The following PIP5K1C variants were observed in gnomAD, a reference collection of about 807,000 sequenced individuals.
The protein encoded by PIP5K1C is phosphatidylinositol 4-phosphate 5-kinase type-1 gamma.
Under a neutral mutation model 80.1 loss-of-function variants are expected in PIP5K1C, and 45 were observed. The observed-to-expected ratio is 0.56, with a 90% CI of 0.44 to 0.72. PIP5K1C has a LOEUF of 0.72. Among genes scored for constraint, PIP5K1C ranks in the 30% least tolerant of loss-of-function variants. PIP5K1C has a pLI of 0.00. For missense variants in PIP5K1C, 753 were observed against 954.6 expected (o/e 0.79, Z 2.78); for synonymous variants, 498 against 420.1 (o/e 1.19, Z -2.27).
At chr19:3,638,445 G>A (rs1415906020) in intron 16 of PIP5K1C, among the ~76,000 whole-genome samples, 1 of 152,244 alleles carries the variant, frequency 6.6e-6, no homozygotes, top group South Asian at 2.1e-4. Flanking sequence ...CAGGGAGAAG[G>A]TCCTGCCGCC....
intron 1 of PIP5K1C, among the ~76,000 whole-genome samples, chr19:3,670,474 G>A (rs1356202000): frequency 1.3e-5 from 2 of 152,242 alleles, no homozygotes; most frequent in Admixed American, 1.3e-4. Flanking sequence ...ACCAGGAGCA[G>A]AGGGGTGTGG....
At chr19:3,652,482 G>A (rs958819605) in intron 7 of PIP5K1C, among the ~76,000 whole-genome samples, 2 of 152,198 alleles carry the variant, frequency 1.3e-5, no homozygotes, top group Non-Finnish European at 2.9e-5. Flanking sequence ...GTTCTCAAAG[G>A]GGTCGGGGAG....
chr19:3,638,793 A>T (rs1405297653), intron 16 of PIP5K1C, 91 bp downstream of exon 16: 1 of 1,528,114 alleles, frequency 6.5e-7, no homozygotes, highest in East Asian at 2.3e-5. Context: ...GCCTGTGTGC[A>T]GGTGTGTGTA....
At chr19:3,669,848 C>G (rs2035143193) in intron 1 of PIP5K1C, 1 of 152,328 alleles carries the variant, frequency 6.6e-6, no homozygotes, top group South Asian at 2.1e-4. Flanking sequence ...GCACTGAAGG[C>G]AACTGAATGC....
chr19:3,648,607 G>A lies in PIP5K1C; in HGVS notation c.1211+18C>T. 5 of 1,609,110 alleles carry A rather than the reference G, an allele frequency of 3.1e-6. No homozygotes were observed. The highest frequency in any genetic ancestry group is 4.2e-6 in the Non-Finnish European group (5 of 1,176,648). ...ACCCGGGGCGTCCACCTGTAGGACT[G>A]CAGACCCGGGCACCCACCTGTAGGA... On this transcript the variant is annotated intron_variant, in intron 9 of 17. Transcript: ENST00000335312. This position sits in a 1 kb window ranked among gnomAD's most constrained non-coding sequence, Gnocchi z 4.3.
intron 3 of PIP5K1C, among the ~76,000 whole-genome samples, chr19:3,663,982 G>A (rs980558920): frequency 1.3e-5 from 2 of 152,294 alleles, no homozygotes; most frequent in Admixed American, 6.5e-5. Context: ...CGTCCATGAC[G>A]CAGCAAAGGA....
chr19:3,686,120 T>G (rs973923542), intron 1 of PIP5K1C, among the ~76,000 whole-genome samples: 4 of 152,160 alleles, frequency 2.6e-5, no homozygotes, highest in South Asian at 2.1e-4. Flanking sequence ...CCCGAAGCAC[T>G]GGGATTACAG....
intron 8 of PIP5K1C, 94 bp downstream of exon 8, chr19:3,651,732 T>C: frequency 7.8e-7 from 1 of 1,289,594 alleles, no homozygotes; most frequent in Non-Finnish European, 1.1e-6. Flanking sequence ...TCGCCAGCCC[T>C]CCCTGCCTGT....
intron 5 of PIP5K1C, among the ~76,000 whole-genome samples, chr19:3,660,327 C>T (rs886151544): frequency 2.0e-5 from 3 of 152,008 alleles, no homozygotes; most frequent in South Asian, 2.1e-4. Flanking sequence ...TTACAGTGAG[C>T]CGAGATCGCA....
Position 3,692,153 on chromosome 19 carries a change from A to C in PIP5K1C, c.94+8144T>G, listed in dbSNP as rs1176219753. Among the ~76,000 whole-genome samples the C allele has an allele frequency of 2.0e-5, 3 of 152,150 alleles. No individual in the cohort carries two copies. The highest frequency in any genetic ancestry group is 7.2e-5 in the African/African-American group (3 of 41,426). ...GTGTGCATTGACTCATCTAATCCTCAAGGGACATTGCTTTCCAAATGAGGA... is the reference window on the plus strand; with the variant it reads ...GTGTGCATTGACTCATCTAATCCTCCAGGGACATTGCTTTCCAAATGAGGA... On this transcript the variant is annotated intron_variant, in intron 1 of 17. Coordinates refer to ENST00000335312, the MANE Select transcript of PIP5K1C (RefSeq NM_012398.3). This position sits in a 1 kb window ranked among gnomAD's most constrained non-coding sequence, Gnocchi z 5.2.
At chr19:3,671,845 C>T (rs958981320) in intron 1 of PIP5K1C, among the ~76,000 whole-genome samples, 14 of 152,360 alleles carry the variant, frequency 9.2e-5, no homozygotes, top group Non-Finnish European at 7.4e-5. Context: ...AGGGGGCTGT[C>T]ATGACGGTGA....
intron 1 of PIP5K1C, among the ~76,000 whole-genome samples, chr19:3,691,877 G>A (rs2035961403): frequency 6.6e-6 from 1 of 152,192 alleles, no homozygotes; most frequent in Non-Finnish European, 1.5e-5. Context: ...GGCCGGGAGA[G>A]TGGGGATGTT....
chr19:3,681,858 A>G (rs2035599392), intron 1 of PIP5K1C, among the ~76,000 whole-genome samples: 1 of 152,032 alleles, frequency 6.6e-6, no homozygotes, highest in Non-Finnish European at 1.5e-5. Context: ...CCAGGGGGTC[A>G]CTTAGCCAAA....
chr19:3,683,741 G>T lies in PIP5K1C; in HGVS notation c.95-16388C>A, dbSNP rs575320292. Among the ~76,000 whole-genome samples, 973 of 152,252 alleles carry T rather than the reference G, an allele frequency of 6.4e-3. 6 individuals carry two copies. Among genetic ancestry groups the T allele is most frequent in the Non-Finnish European group, 8.5e-3 (575 of 67,986 alleles). On this transcript the variant is annotated intron_variant, in intron 1 of 17. Transcript: ENST00000335312. ...AGCCAGGCGGGGGAAGGGCAGAGGG[G>T]CCTCCCAGGCAGAGGCACAGCCAGT...
chr19:3,680,828 C>G (rs1045744544), intron 1 of PIP5K1C, among the ~76,000 whole-genome samples: 1 of 152,116 alleles, frequency 6.6e-6, no homozygotes, highest in African/African-American at 2.4e-5. Context: ...AGGGAGTGAC[C>G]GAAATGGAGG....
At chr19:3,633,576 C>A in intron 16 of PIP5K1C, 56 bp from the exon 17 acceptor site, 1 of 1,197,086 alleles carries the variant, frequency 8.4e-7, no homozygotes, top group Non-Finnish European at 1.1e-6. Flanking sequence ...CGAGGAGGTG[C>A]AAGAGAGGCA....
intron 7 of PIP5K1C, among the ~76,000 whole-genome samples, chr19:3,652,389 A>G (rs1301451632): frequency 1.3e-5 from 2 of 152,224 alleles, no homozygotes; most frequent in Non-Finnish European, 2.9e-5. Flanking sequence ...CCGGCCTGAC[A>G]GGTGACACCC....
intron 5 of PIP5K1C, among the ~76,000 whole-genome samples, chr19:3,658,522 CA>C (rs143422307): frequency 1.3e-3 from 205 of 152,386 alleles, no homozygotes; most frequent in African/African-American, 4.4e-3. Context: ...CTCCCAGACA[CA>C]GGCGCAGCAG....
rs192696247 is a variant in PIP5K1C, at chr19:3,676,582, G to A, written c.95-9229C>T. 5.6e-4 allele frequency among the ~76,000 whole-genome samples: 86 copies of A among 152,362 alleles called. 1 individual carries two copies. The highest frequency in any genetic ancestry group is 4.8e-3 in the Admixed American group (74 of 15,308). ...ACTCCCCGACGGCGCGTGGCCAGGA[G>A]GCGCCTGTGAGCACCTGATCCAGCT... On this transcript the variant is annotated intron_variant, in intron 1 of 17. Coordinates refer to ENST00000335312, the MANE Select transcript of PIP5K1C (RefSeq NM_012398.3).
Sources: gnomAD v4.1 joint callset for allele counts (sites outside exome capture counted in the v4.1 genomes callset) on GRCh38, gnomAD v4.1.1 for gene constraint, Gnocchi (gnomAD v3.1) non-coding constraint, MANE v1.5 for transcripts, NCBI Gene and HGNC (gene_info 2026-07-23, HGNC 2026-07-21) for gene names.